The following MNAT1 variants were observed in gnomAD, a reference collection of about 807,000 sequenced individuals.
MNAT1 encodes the protein MNAT1 component of CDK activating kinase, also known as CDK-activating kinase assembly factor MAT1.
MNAT1 carries 43 observed loss-of-function variants against 42.0 expected under a neutral mutation model. The ratio of observed to expected loss-of-function variants is 1.02; its 90% CI spans 0.80 to 1.32. The LOEUF is 1.32. Among genes scored for constraint, MNAT1 ranks in the 40% most tolerant of loss-of-function variants. The pLI is 0.00. For missense variants in MNAT1, 306 were observed against 350.4 expected (o/e 0.87, Z 1.01); for synonymous variants, 118 against 120.0 (o/e 0.98, Z 0.11).
chr14:60,890,189 T>A (rs923450372), intron 7 of MNAT1, among the ~76,000 whole-genome samples: 4 of 152,168 alleles, frequency 2.6e-5, no homozygotes, highest in Non-Finnish European at 5.9e-5. Flanking sequence ...TAGCAAAGAC[T>A]TGGAACCAAG....
chr14:60,901,740 C>T (rs1332072082), intron 7 of MNAT1, among the ~76,000 whole-genome samples: 1 of 152,024 alleles, frequency 6.6e-6, no homozygotes, highest in Non-Finnish European at 1.5e-5. Flanking sequence ...TAGAATTAGC[C>T]GTGGAGACTG....
chr14:60,908,659 T>C (rs1192961936), intron 7 of MNAT1, among the ~76,000 whole-genome samples: 2 of 152,228 alleles, frequency 1.3e-5, no homozygotes, highest in Admixed American at 1.3e-4. Flanking sequence ...AACTCATCAC[T>C]TTTTATGGCT....
intron 1 of MNAT1, among the ~76,000 whole-genome samples, chr14:60,747,583 T>C (rs182045640): frequency 2.6e-5 from 4 of 152,282 alleles, no homozygotes; most frequent in African/African-American, 7.2e-5. Context: ...GCAGTTACCC[T>C]GAAAGGAGTT....
At chr14:60,941,570 G>A (rs1037880476) in intron 7 of MNAT1, among the ~76,000 whole-genome samples, 2 of 151,976 alleles carry the variant, frequency 1.3e-5, no homozygotes, top group African/African-American at 4.8e-5. Flanking sequence ...GCCAGGTATG[G>A]TGGTATGCGC....
intron 7 of MNAT1, among the ~76,000 whole-genome samples, chr14:60,963,428 C>A (rs2036631605): frequency 6.6e-6 from 1 of 152,228 alleles, no homozygotes; most frequent in African/African-American, 2.4e-5. Context: ...GTTTAAGACA[C>A]CTAACCATTA....
At chr14:60,782,324 G>GA (rs1037878545) in intron 1 of MNAT1, among the ~76,000 whole-genome samples, 1 of 152,106 alleles carries the variant, frequency 6.6e-6, no homozygotes. Flanking sequence ...AAAAGGGTGA[G>GA]AAGGACTACC....
chr14:60,842,364 T>C (rs1360707687), intron 6 of MNAT1, among the ~76,000 whole-genome samples: 1 of 152,200 alleles, frequency 6.6e-6, no homozygotes, highest in African/African-American at 2.4e-5. Context: ...AGTCTGATTT[T>C]CGTCTCCTTG....
chr14:60,869,945 A>G (rs372388689), intron 6 of MNAT1, among the ~76,000 whole-genome samples: 9 of 152,216 alleles, frequency 5.9e-5, no homozygotes, highest in African/African-American at 2.2e-4. Flanking sequence ...AAGCATAATG[A>G]TAATATTTGT....
intron 6 of MNAT1, among the ~76,000 whole-genome samples, chr14:60,831,524 T>C (rs554009821): frequency 6.6e-6 from 1 of 152,352 alleles, no homozygotes; most frequent in Admixed American, 6.5e-5. Context: ...TTTTTATGGC[T>C]ACATAGTATT....
chr14:60,958,526 A>G (rs1350036788), intron 7 of MNAT1, among the ~76,000 whole-genome samples: 1 of 149,274 alleles, frequency 6.7e-6, no homozygotes, highest in East Asian at 2.0e-4. Flanking sequence ...TTACATCTTT[A>G]TGTTTCATGT....
chr14:60,948,054 C>T (rs1287602438), intron 7 of MNAT1, among the ~76,000 whole-genome samples: 1 of 152,114 alleles, frequency 6.6e-6, no homozygotes, highest in Non-Finnish European at 1.5e-5. Context: ...ATCTTTTCTA[C>T]AAAGGTAAAT....
At chr14:60,756,979 C>T (rs952982101) in intron 1 of MNAT1, among the ~76,000 whole-genome samples, 2 of 152,066 alleles carry the variant, frequency 1.3e-5, no homozygotes, top group African/African-American at 4.8e-5. Context: ...TGTATTTGAC[C>T]TGGACTAGAA....
intron 6 of MNAT1, among the ~76,000 whole-genome samples, chr14:60,878,776 G>T (rs889704774): frequency 1.4e-4 from 21 of 152,038 alleles, no homozygotes; most frequent in African/African-American, 4.6e-4. Context: ...TTCAGTACTG[G>T]TAAAGGCATG....
At chr14:60,838,053 T>C (rs1284657677) in intron 6 of MNAT1, among the ~76,000 whole-genome samples, 2 of 152,170 alleles carry the variant, frequency 1.3e-5, no homozygotes, top group Non-Finnish European at 2.9e-5. Context: ...CACTTTTTTT[T>C]CCCTCTGATC....
chr14:60,918,886 A>G (rs1048180157), intron 7 of MNAT1, among the ~76,000 whole-genome samples: 1 of 152,028 alleles, frequency 6.6e-6, no homozygotes. Context: ...ACTAAAAATC[A>G]TTGAATTGTG....
intron 6 of MNAT1, among the ~76,000 whole-genome samples, chr14:60,873,438 A>G (rs1225713623): frequency 6.6e-6 from 1 of 152,024 alleles, no homozygotes; most frequent in Admixed American, 6.6e-5. Flanking sequence ...GTTTTTCTTT[A>G]GTTTTCTTTT....
chr14:60,793,333 C>CA lies in MNAT1; in HGVS notation c.90-2883dup, dbSNP rs1172595691. ...ATGGGATTACATGTGTGAGCCACTG[C>CA]ACCCAGCCTATTTTTCCTGTTATTT... On this transcript the variant is annotated intron_variant, in intron 1 of 7. Coordinates refer to ENST00000261245, the MANE Select transcript of MNAT1 (RefSeq NM_002431.4). Among the ~76,000 whole-genome samples the CA allele has an allele frequency of 2.0e-5, 3 of 152,064 alleles. No homozygotes were observed. In the East Asian group the frequency reaches 5.8e-4, roughly 29 times the overall value.
rs149086092 is a variant in MNAT1 at position 60,863,599 on chromosome 14, A to C, written c.688-16115A>C. On this transcript the variant is annotated intron_variant, in intron 6 of 7. Transcript: ENST00000261245. ...TTTTACTAAATATACCTATCCATGA[A>C]TTAACTAATTAGTGAAAGGAGGGCT... Among the ~76,000 whole-genome samples the C allele has an allele frequency of 4.7e-3, 721 of 152,194 alleles. 5 individuals are homozygous for C. The highest frequency in any genetic ancestry group is 0.017 in the African/African-American group (686 of 41,542).
At chr14:60,808,542 A>G in intron 4 of MNAT1, 114 bp downstream of exon 4, 1 of 650,120 alleles carries the variant, frequency 1.5e-6, no homozygotes, top group South Asian at 2.2e-5. Context: ...ATTTAGCTGA[A>G]ATTTAGACCA....
Sources: gnomAD v4.1 joint callset for allele counts (sites outside exome capture counted in the v4.1 genomes callset) on GRCh38, gnomAD v4.1.1 for gene constraint, MANE v1.5 for transcripts, NCBI Gene and HGNC (gene_info 2026-07-23, HGNC 2026-07-21) for gene names.